The following ARL5A variants were observed in gnomAD, a reference collection of about 807,000 sequenced individuals.
ARL5A encodes ADP-ribosylation factor-like protein 5A.
ARL5A carries 18 observed loss-of-function variants against 25.9 expected under a neutral mutation model. That is an observed-to-expected ratio of 0.69 (90% CI 0.48 to 1.03). ARL5A has a LOEUF of 1.03. Among genes scored for constraint, ARL5A ranks in the 50% least tolerant of loss-of-function variants. The pLI, the probability that ARL5A is intolerant of heterozygous loss-of-function variation, is 0.00. For missense variants in ARL5A, 170 were observed against 211.9 expected (o/e 0.80, Z 1.23); for synonymous variants, 61 against 67.5 (o/e 0.90, Z 0.47).
intron 4 of ARL5A, among the ~76,000 whole-genome samples, chr2:151,811,680 A>G (rs1027369008): frequency 1.3e-5 from 2 of 152,026 alleles, no homozygotes; most frequent in Admixed American, 6.6e-5. Flanking sequence ...CAAGCGATCT[A>G]CTCGCCTCAG....
intron 5 of ARL5A, among the ~76,000 whole-genome samples, chr2:151,803,615 T>C (rs913441863): frequency 1.2e-4 from 19 of 152,058 alleles, no homozygotes; most frequent in Admixed American, 2.0e-4. Context: ...TCAAGCGATC[T>C]CCCCACCTCA....
intron 4 of ARL5A, among the ~76,000 whole-genome samples, chr2:151,810,922 T>C (rs550833395): frequency 1.3e-5 from 2 of 152,336 alleles, no homozygotes; most frequent in African/African-American, 4.8e-5. Flanking sequence ...TGCTGCATTT[T>C]TGCAAAATAG....
chr2:151,809,673 T>C (rs948574306), intron 4 of ARL5A, among the ~76,000 whole-genome samples: 1 of 152,252 alleles, frequency 6.6e-6, no homozygotes, highest in Admixed American at 6.5e-5. Context: ...CCACTTCTGC[T>C]ACAAATTTCT....
At chr2:151,804,205 A>G (rs1485062403) in intron 5 of ARL5A, among the ~76,000 whole-genome samples, 1 of 152,186 alleles carries the variant, frequency 6.6e-6, no homozygotes, top group Non-Finnish European at 1.5e-5. Flanking sequence ...AAACTTTTGA[A>G]GGCAATAAAA....
In ARL5A at chr2:151,801,582, C is replaced by CT. The variant is rs368915073; in HGVS notation, c.*1693dup. On this transcript the variant is annotated 3_prime_UTR_variant, in exon 6 of 6. Coordinates refer to ENST00000295087, the MANE Select transcript of ARL5A (RefSeq NM_012097.4). ...ATGTGGACAAATATTAAATGTTATG[C>CT]TTGCATTTTGAACATTATAAATATA... 30 of 152,182 alleles carry CT rather than the reference C, an allele frequency of 2.0e-4. No individual in the cohort carries two copies. Among genetic ancestry groups the CT allele is most frequent in the African/African-American group, 7.0e-4 (29 of 41,550 alleles). 9.4% of individuals were successfully genotyped at this position (152,182 alleles called of 1,614,324 possible). A position where few individuals can be genotyped will look rare whatever the true frequency, so the allele number is the denominator to read the frequency against.
intron 3 of ARL5A, among the ~76,000 whole-genome samples, chr2:151,813,273 C>CA (rs1461080835): frequency 2.6e-5 from 4 of 152,090 alleles, no homozygotes; most frequent in Non-Finnish European, 5.9e-5. Context: ...CTTCATCAAC[C>CA]AAAAGGCAGA....
At chr2:151,806,759 A>G (rs954139062) in intron 5 of ARL5A, 62 bp downstream of exon 5, 48 of 1,495,738 alleles carry the variant, frequency 3.2e-5, no homozygotes, top group Admixed American at 2.4e-4. Context: ...GAGTTTAAAG[A>G]AGATATACAT....
intron 1 of ARL5A, among the ~76,000 whole-genome samples, chr2:151,826,406 A>G (rs563804737): frequency 6.6e-6 from 1 of 152,246 alleles, no homozygotes; most frequent in East Asian, 1.9e-4. Context: ...CAGAGCACAC[A>G]CCCTTATTAT....
chr2:151,814,992 G>T, intron 2 of ARL5A, 147 bp downstream of exon 2: 1 of 649,860 alleles, frequency 1.5e-6, no homozygotes, highest in Non-Finnish European at 2.7e-6. Context: ...CTATTGCTGA[G>T]ATCTGGCTCC....
At chr2:151,810,887 C>G (rs531836953) in intron 4 of ARL5A, among the ~76,000 whole-genome samples, 2 of 152,084 alleles carry the variant, frequency 1.3e-5, no homozygotes, top group Non-Finnish European at 2.9e-5. Context: ...CTTCATAAAA[C>G]CACCCTTTGG....
At chr2:151,828,067 C>G in intron 1 of ARL5A, 64 bp downstream of exon 1, 1 of 1,557,840 alleles carries the variant, frequency 6.4e-7, no homozygotes, top group Non-Finnish European at 8.8e-7. Context: ...TTCGGAGACC[C>G]CCACCTAGCC....
In ARL5A at chr2:151,801,194, C is replaced by CA. The variant is rs2099829371; in HGVS notation, c.*2081dup. On this transcript the variant is annotated 3_prime_UTR_variant, in exon 6 of 6. Transcript: ENST00000295087. ...AAAATTACACATCTTCTCATGATGT[C>CA]ATGTCAATAATCCACTACACTAAAC... 1 of 152,560 alleles carries CA rather than the reference C, an allele frequency of 6.6e-6. No homozygotes were observed. The highest frequency in any genetic ancestry group is 2.4e-5 in the African/African-American group (1 of 41,432). The allele number at this position is 152,560 out of a possible 1,614,324, so 9.5% of individuals were successfully genotyped here.
intron 5 of ARL5A, among the ~76,000 whole-genome samples, chr2:151,803,935 A>G (rs1292936510): frequency 1.3e-5 from 2 of 152,254 alleles, no homozygotes; most frequent in Admixed American, 6.5e-5. Flanking sequence ...TACTTTTAAT[A>G]GGAAAATAAT....
chr2:151,820,571 A>G (rs1433239543), intron 1 of ARL5A, among the ~76,000 whole-genome samples: 2 of 145,888 alleles, frequency 1.4e-5, no homozygotes, highest in Non-Finnish European at 3.0e-5. Context: ...GAGGCATGAG[A>G]ATCAGTTGAA....
chr2:151,827,269 T>C (rs908783552), intron 1 of ARL5A, among the ~76,000 whole-genome samples: 4 of 152,258 alleles, frequency 2.6e-5, no homozygotes, highest in African/African-American at 9.6e-5. Context: ...TTAGTCATTT[T>C]GTAACAAATT....
At chr2:151,808,877 G>A (rs546574438) in intron 4 of ARL5A, among the ~76,000 whole-genome samples, 3 of 152,210 alleles carry the variant, frequency 2.0e-5, no homozygotes, top group Non-Finnish European at 4.4e-5. Flanking sequence ...GCGAAACCCC[G>A]TTTCAACTGA....
At chr2:151,806,675 C>T in intron 5 of ARL5A, 146 bp downstream of exon 5, 2 of 728,372 alleles carry the variant, frequency 2.7e-6, no homozygotes, top group Non-Finnish European at 4.2e-6. Context: ...TAAAAAGTCT[C>T]TGATTATAGA....
At chr2:151,807,583 T>C (rs1182660875) in intron 4 of ARL5A, among the ~76,000 whole-genome samples, 6 of 152,320 alleles carry the variant, frequency 3.9e-5, no homozygotes, top group African/African-American at 7.2e-5. Flanking sequence ...TCTAGCTGCA[T>C]AGGAAATAAA....
At chr2:151,809,190 G>A (rs2099830495) in intron 4 of ARL5A, among the ~76,000 whole-genome samples, 1 of 152,086 alleles carries the variant, frequency 6.6e-6, no homozygotes, top group Admixed American at 6.5e-5. Context: ...GTCTTATATA[G>A]GTCAAGTTTG....
Sources: allele counts gnomAD v4.1 joint callset (sites outside exome capture counted in the v4.1 genomes callset), GRCh38; gene constraint gnomAD v4.1.1; transcripts MANE v1.5; gene names NCBI Gene and HGNC (gene_info 2026-07-23, HGNC 2026-07-21).